AMBRA1: variants seen among roughly 807,000 people sequenced by gnomAD.
The protein encoded by AMBRA1 is autophagy and beclin 1 regulator 1, also known as activating molecule in BECN1-regulated autophagy protein 1.
Under a neutral mutation model 125.4 loss-of-function variants are expected in AMBRA1, and 47 were observed. The observed-to-expected ratio is 0.37, with a 90% CI of 0.30 to 0.48. The LOEUF is 0.48. AMBRA1 is among the 20% of genes least tolerant of loss of function. AMBRA1 has a pLI of 0.99. For synonymous variants in AMBRA1, 626 were observed against 655.5 expected (o/e 0.95, Z 0.69); for missense variants, 1,331 against 1,693.4 (o/e 0.79, Z 3.76).
chr11:46,405,140 G>C (rs1289686613), intron 17 of AMBRA1, among the ~76,000 whole-genome samples: 1 of 152,172 alleles, frequency 6.6e-6, no homozygotes, highest in East Asian at 1.9e-4. Flanking sequence ...CATGTCTCCA[G>C]GAATGCTTCC....
intron 7 of AMBRA1, among the ~76,000 whole-genome samples, chr11:46,521,697 A>G (rs986524366): frequency 3.9e-5 from 6 of 152,230 alleles, no homozygotes; most frequent in Non-Finnish European, 7.3e-5. Flanking sequence ...AAGTTATCCA[A>G]CGATAGGCAT....
At chr11:46,581,797 CAAAAAAAAAAA>C (rs1162857231) in intron 1 of AMBRA1, among the ~76,000 whole-genome samples, 7 of 69,956 alleles carry the variant, frequency 1.0e-4, no homozygotes, top group African/African-American at 1.9e-4. Flanking sequence ...AAAACTCCAT[CAAAAAAAAAAA>C]AAAAAAAAAA....
At position 46,543,221 on chromosome 11, in the gene AMBRA1, C is replaced by T. The variant is rs1952841001; in HGVS notation, c.796G>A (p.Ala266Thr). The T allele has an allele frequency of 1.2e-6, 2 of 1,610,492 alleles. No individual in the cohort carries two copies. Among genetic ancestry groups the T allele is most frequent in the African/African-American group, 1.3e-5 (1 of 74,830 alleles). ...VGEQSTVQDS[A>T]TPSPPPPPPQ... ...GGAGGCGGTGGGGGTGAGGGGGTAG[C>T]AGAATCTTGCACTGTGCTTTGCTCT... Residue 266 changes from alanine (A) to threonine (T), a missense_variant, in exon 7 of 18, where the codon GCT becomes ACT. Ala to Thr is a moderately conservative substitution (Grantham distance 58). Around this residue, in one of 4 missense-constraint regions of AMBRA1, gnomAD observed 689 missense variants for 776.5 expected, o/e 0.89. Coordinates refer to ENST00000683756, the MANE Select transcript of AMBRA1 (RefSeq NM_001387011.1).
At chr11:46,592,904 A>G (rs569091791) in intron 1 of AMBRA1, among the ~76,000 whole-genome samples, 100 of 152,362 alleles carry the variant, frequency 6.6e-4, no homozygotes, top group African/African-American at 2.3e-3. Context: ...CACCATAGTT[A>G]TAAGATTTCC....
At chr11:46,532,947 C>T (rs1416866269) in intron 7 of AMBRA1, among the ~76,000 whole-genome samples, 1 of 152,042 alleles carries the variant, frequency 6.6e-6, no homozygotes, top group East Asian at 1.9e-4. Context: ...GATCCTGCAA[C>T]ACTGTGAAAA....
intron 7 of AMBRA1, among the ~76,000 whole-genome samples, chr11:46,517,476 T>G (rs1328445855): frequency 1.1e-4 from 16 of 141,842 alleles, no homozygotes; most frequent in Non-Finnish European, 1.8e-4. Context: ...TAAGGTTTTT[T>G]TTTTTTTTTT....
intron 12 of AMBRA1, among the ~76,000 whole-genome samples, chr11:46,436,866 A>G (rs1171480897): frequency 6.6e-6 from 1 of 152,248 alleles, no homozygotes. Context: ...AAGAAAATAA[A>G]GAAATCATAA....
intron 1 of AMBRA1, among the ~76,000 whole-genome samples, chr11:46,576,653 G>A (rs2043970527): frequency 6.6e-6 from 1 of 152,096 alleles, no homozygotes; most frequent in Admixed American, 6.6e-5. Context: ...CCTTTATGTT[G>A]CAATTAAAAC....
At chr11:46,434,729 C>G (rs1947636629) in intron 13 of AMBRA1, 120 bp downstream of exon 13, 1 of 1,069,238 alleles carries the variant, frequency 9.4e-7, no homozygotes, top group Non-Finnish European at 1.3e-6. Context: ...GGCCTGTGCC[C>G]CAGTGAAGGT....
intron 7 of AMBRA1, among the ~76,000 whole-genome samples, chr11:46,520,623 T>G (rs1591018542): frequency 6.7e-6 from 1 of 148,642 alleles, no homozygotes; most frequent in South Asian, 2.1e-4. Context: ...TGAGACGGAG[T>G]CTCGCTCTGT....
chr11:46,400,522 C>T (rs1476283805), intron 17 of AMBRA1, among the ~76,000 whole-genome samples: 1 of 104,554 alleles, frequency 9.6e-6, no homozygotes, highest in Non-Finnish European at 1.7e-5. Flanking sequence ...GACCAGGTCT[C>T]GCTATGTCAC....
intron 14 of AMBRA1, among the ~76,000 whole-genome samples, chr11:46,430,139 A>G (rs1242187290): frequency 6.6e-6 from 1 of 152,236 alleles, no homozygotes; most frequent in Non-Finnish European, 1.5e-5. Context: ...GATTCAACAT[A>G]AAGAAAAGAC....
intron 12 of AMBRA1, among the ~76,000 whole-genome samples, chr11:46,442,278 GAA>G (rs1040980948): frequency 3.3e-5 from 5 of 151,962 alleles, no homozygotes; most frequent in African/African-American, 1.2e-4. Context: ...GAGTAGCTGG[GAA>G]AACAGGCATG....
At position 46,508,377 on chromosome 11, in the gene AMBRA1, GAGAC is replaced by G; in HGVS notation, c.2160-11_2160-8del. On this transcript the variant is annotated splice_polypyrimidine_tract_variant and splice_region_variant and intron_variant, in intron 8 of 17. Transcript: ENST00000683756. ...GTATGCAGCAGGAGATAATCTGAGA[GAGAC>G]AGAGATGGACAAACACAAACTAGCA... 1 of 1,612,816 alleles carries G rather than the reference GAGAC, an allele frequency of 6.2e-7. No individual in the cohort carries two copies. Among genetic ancestry groups the G allele is most frequent in the Non-Finnish European group, 8.5e-7 (1 of 1,179,002 alleles).
chr11:46,525,328 G>A lies in AMBRA1; in HGVS notation c.2073-12515C>T, dbSNP rs1030678286. Among the ~76,000 whole-genome samples the A allele has an allele frequency of 3.9e-5, 6 of 152,128 alleles. No individual in the cohort carries two copies. The South Asian group carries it at 6.2e-4, about 16-fold the overall frequency. On this transcript the variant is annotated intron_variant, in intron 7 of 17. Transcript: ENST00000683756. ...AAATAAATAAATAAATAGGCCAGGC[G>A]CGGTGGCTCACACCACACTTTGGGA...
chr11:46,574,228 G>A (rs1320271583), intron 1 of AMBRA1, among the ~76,000 whole-genome samples: 1 of 140,786 alleles, frequency 7.1e-6, no homozygotes, highest in Non-Finnish European at 1.5e-5. Context: ...CTAGATCCCT[G>A]AGGAATCGCC....
chr11:46,536,614 G>A (rs1952491729), intron 7 of AMBRA1, among the ~76,000 whole-genome samples: 1 of 152,126 alleles, frequency 6.6e-6, no homozygotes, highest in African/African-American at 2.4e-5. Flanking sequence ...CCCCTTTTGT[G>A]GACCTACAAT....
intron 1 of AMBRA1, among the ~76,000 whole-genome samples, chr11:46,584,596 T>C (rs1045501963): frequency 2.6e-5 from 4 of 151,988 alleles, no homozygotes; most frequent in African/African-American, 4.8e-5. Flanking sequence ...CTATAATCAC[T>C]AGAAAGAATT....
chr11:46,443,630 A>G (rs745511313), intron 11 of AMBRA1, 32 bp from the exon 12 acceptor site: 2 of 1,558,784 alleles, frequency 1.3e-6, no homozygotes, highest in South Asian at 1.1e-5. Context: ...ACAGCACATT[A>G]TATTATTTAT....
Sources: allele counts gnomAD v4.1 joint callset (sites outside exome capture counted in the v4.1 genomes callset), GRCh38; gene constraint gnomAD v4.1.1; regional missense constraint gnomAD v4.1.1; transcripts MANE v1.5; gene names NCBI Gene and HGNC (gene_info 2026-07-23, HGNC 2026-07-21).